The following ENTREP1 variants were observed in gnomAD, a reference collection of about 807,000 sequenced individuals.
ENTREP1 encodes Friedreich ataxia region gene X123.
the ENTREP1 span, chr9:69,325,804 G>T: frequency 2.5e-6 from 3 of 1,209,916 alleles, no homozygotes; most frequent in South Asian, 4.2e-5. Context: ...TTGCCCCTTT[G>T]TTGGCCTCCA....
At chr9:69,386,421 G>C in the ENTREP1 span, 1 of 133,850 alleles carries the variant, frequency 7.5e-6, no homozygotes, top group East Asian at 2.1e-4. Context: ...TGAAGTACAC[G>C]CACCCACACA....
the ENTREP1 span, among the ~76,000 whole-genome samples, chr9:69,357,346 A>T: frequency 6.6e-6 from 1 of 152,196 alleles, no homozygotes; most frequent in Non-Finnish European, 1.5e-5. Flanking sequence ...GAGAAGCAAG[A>T]GGCCTTTCAT....
chr9:69,354,193 ATG>A, the ENTREP1 span, among the ~76,000 whole-genome samples: 11 of 149,434 alleles, frequency 7.4e-5, no homozygotes, highest in South Asian at 1.3e-3. Context: ...CTTAGCTGAT[ATG>A]TCTCTTAAGT....
At chr9:69,329,065 T>A in the ENTREP1 span, among the ~76,000 whole-genome samples, 1 of 152,244 alleles carries the variant, frequency 6.6e-6, no homozygotes, top group Admixed American at 6.5e-5. Context: ...TATTTTATTG[T>A]ATGGATATGC....
the ENTREP1 span, among the ~76,000 whole-genome samples, chr9:69,357,996 TA>T: frequency 6.6e-6 from 1 of 152,318 alleles, no homozygotes; most frequent in East Asian, 1.9e-4. Context: ...TTTGTCTTAT[TA>T]ACCAGTGACT....
the ENTREP1 span, among the ~76,000 whole-genome samples, chr9:69,355,189 C>CACCTCT: frequency 6.6e-6 from 1 of 152,200 alleles, no homozygotes; most frequent in African/African-American, 2.4e-5. Context: ...TCTCACTTCA[C>CACCTCT]ACCTCTTTCT....
chr9:69,328,083 A>G, the ENTREP1 span, among the ~76,000 whole-genome samples: 1 of 152,190 alleles, frequency 6.6e-6, no homozygotes, highest in Non-Finnish European at 1.5e-5. Context: ...TTTATGCAGT[A>G]TACGATGAAC....
chr9:69,391,257 C>A, the ENTREP1 span, among the ~76,000 whole-genome samples: 1 of 152,130 alleles, frequency 6.6e-6, no homozygotes, highest in Non-Finnish European at 1.5e-5. Context: ...AATACCCGTC[C>A]CTCCCTGACC....
the ENTREP1 span, among the ~76,000 whole-genome samples, chr9:69,348,075 C>T: frequency 6.6e-6 from 1 of 151,958 alleles, no homozygotes; most frequent in Non-Finnish European, 1.5e-5. Flanking sequence ...TTTTTGTTGA[C>T]AAAAAGGCAC....
the ENTREP1 span, among the ~76,000 whole-genome samples, chr9:69,371,872 A>G: frequency 6.6e-6 from 1 of 152,236 alleles, no homozygotes; most frequent in African/African-American, 2.4e-5. Context: ...GAATGGATGG[A>G]TCAGATGTCC....
the ENTREP1 span, among the ~76,000 whole-genome samples, chr9:69,357,303 C>T: frequency 6.6e-6 from 1 of 152,042 alleles, no homozygotes; most frequent in South Asian, 2.1e-4. Flanking sequence ...GTTGTGTCCC[C>T]AAATGATAAA....
chr9:69,336,179 C>T, the ENTREP1 span: 1 of 1,184,008 alleles, frequency 8.4e-7, no homozygotes, highest in Non-Finnish European at 1.2e-6. Context: ...GGAATTGGTC[C>T]ATTTTCTATA....
At chr9:69,381,645 T>TA in the ENTREP1 span, 2 of 152,044 alleles carry the variant, frequency 1.3e-5, no homozygotes, top group Non-Finnish European at 2.9e-5. Context: ...AAACAGTAGT[T>TA]AAAAACAAAA....
chr9:69,375,212 G>A, the ENTREP1 span, among the ~76,000 whole-genome samples: 1 of 152,180 alleles, frequency 6.6e-6, no homozygotes, highest in Non-Finnish European at 1.5e-5. Flanking sequence ...TTAACTAAAC[G>A]CTTTGTATCA....
the ENTREP1 span, among the ~76,000 whole-genome samples, chr9:69,389,188 G>C: frequency 6.6e-6 from 1 of 152,126 alleles, no homozygotes; most frequent in African/African-American, 2.4e-5. Flanking sequence ...TGCAGGTAGT[G>C]GGGTGGATGT....
chr9:69,389,455 G>A, the ENTREP1 span, among the ~76,000 whole-genome samples: 1 of 152,192 alleles, frequency 6.6e-6, no homozygotes, highest in Non-Finnish European at 1.5e-5. Context: ...AGGGGATTCA[G>A]CGGGGAGGAA....
the ENTREP1 span, among the ~76,000 whole-genome samples, chr9:69,367,791 AT>A: frequency 2.3e-5 from 1 of 43,012 alleles, no homozygotes; most frequent in Non-Finnish European, 4.4e-5. Flanking sequence ...ATATACACAC[AT>A]ATATATAAAT....
chr9:69,385,467 G>T, the ENTREP1 span, among the ~76,000 whole-genome samples: 2 of 151,592 alleles, frequency 1.3e-5, no homozygotes, highest in Admixed American at 6.6e-5. Flanking sequence ...TACTGCCCCA[G>T]AATGCTTCCC....
chr9:69,340,677 GCATGCA>G, the ENTREP1 span, among the ~76,000 whole-genome samples: 3 of 80,666 alleles, frequency 3.7e-5, no homozygotes, highest in Admixed American at 1.2e-4. Flanking sequence ...GTGTGTGTGT[GCATGCA>G]TGTGTGTGTG....
Sources: allele counts gnomAD v4.1 joint callset (sites outside exome capture counted in the v4.1 genomes callset), GRCh38; gene constraint gnomAD v4.1.1; transcripts MANE v1.5; gene names NCBI Gene and HGNC (gene_info 2026-07-23, HGNC 2026-07-21).